The following SNPH variants were observed in gnomAD, a reference collection of about 807,000 sequenced individuals.
SNPH encodes syntaphilin.
SNPH carries 10 observed loss-of-function variants against 36.8 expected under a neutral mutation model. That is an observed-to-expected ratio of 0.27 (90% CI 0.17 to 0.46). The LOEUF is 0.46. SNPH is among the 20% of genes least tolerant of loss of function. SNPH has a pLI of 1.00. For missense variants in SNPH, 622 were observed against 744.0 expected, an observed-to-expected ratio of 0.84 and a Z score of 1.91; for synonymous variants, 281 against 312.2, an observed-to-expected ratio of 0.90 and a Z score of 1.05.
chr20:1,280,051 G>A (rs1416577902), intron 2 of SNPH, among the ~76,000 whole-genome samples: 1 of 152,184 alleles, frequency 6.6e-6, no homozygotes, highest in African/African-American at 2.4e-5. Flanking sequence ...CAGTAAGGAA[G>A]GTTTGTTGAG....
At chr20:1,281,870 G>A (rs924427239) in intron 2 of SNPH, among the ~76,000 whole-genome samples, 9 of 152,254 alleles carry the variant, frequency 5.9e-5, no homozygotes, top group African/African-American at 9.6e-5. Flanking sequence ...ATTAGAAGGG[G>A]GAGTAGCTTT....
chr20:1,276,261 A>G lies in SNPH; in HGVS notation c.-493+9501A>G, dbSNP rs1240187867. 1.3e-5 allele frequency among the ~76,000 whole-genome samples: 2 copies of G among 152,310 alleles called. No homozygotes were observed. Among genetic ancestry groups the G allele is most frequent in the East Asian group, 1.9e-4 (1 of 5,168 alleles). On this transcript the variant is annotated intron_variant, in intron 2 of 6. Transcript: ENST00000381867. The surrounding 1 kb of genome is among the most constrained non-coding windows in gnomAD (Gnocchi z 4.6). ...CACTCTGGGGCCGTGTGTTTGAGAG[A>G]GAAGCCCTCAGAGGTTGTTAGGCCT...
At chr20:1,269,835 A>AT (rs1260407692) in intron 2 of SNPH, among the ~76,000 whole-genome samples, 1 of 152,210 alleles carries the variant, frequency 6.6e-6, no homozygotes, top group Non-Finnish European at 1.5e-5. Context: ...AGGTTCAATA[A>AT]TTTACTGCTC....
Position 1,300,578 on chromosome 20 carries a change from A to T in SNPH, c.307A>T (p.Thr103Ser). The T allele has an allele frequency of 6.2e-7, 1 of 1,613,856 alleles. No individual in the cohort carries two copies. Among genetic ancestry groups the T allele is most frequent in the Non-Finnish European group, 8.5e-7 (1 of 1,179,980 alleles). Residue 103 changes from threonine (T) to serine (S), a missense_variant, in exon 6 of 7, where the codon ACG becomes TCG. Physicochemically the swap from Thr to Ser is moderately conservative, Grantham distance 58. Around this residue, in one of 3 missense-constraint regions of SNPH, gnomAD observed 187 missense variants for 209.4 expected, o/e 0.89. Transcript: ENST00000381867. ...CCCTTGCAGGCGCTCCATGAAATAC[A>T]CGCTGTGCAGTGACAACCATGGCAT... ...SPTPRRSMKY[T>S]LCSDNHGIKP...
intron 5 of SNPH, among the ~76,000 whole-genome samples, chr20:1,298,892 CGT>C (rs2088473144): frequency 1.3e-5 from 2 of 149,432 alleles, no homozygotes; most frequent in African/African-American, 4.9e-5. Flanking sequence ...AAAATGTACA[CGT>C]GTTAAATTTT....
At chr20:1,272,848 T>C (rs2088088626) in intron 2 of SNPH, among the ~76,000 whole-genome samples, 1 of 152,254 alleles carries the variant, frequency 6.6e-6, no homozygotes, top group Non-Finnish European at 1.5e-5. Context: ...CCTTCCCTTT[T>C]GGCAGCACTG....
intron 2 of SNPH, among the ~76,000 whole-genome samples, chr20:1,278,555 T>C (rs2088180152): frequency 6.6e-6 from 1 of 152,238 alleles, no homozygotes; most frequent in Admixed American, 6.5e-5. Flanking sequence ...TTTCTGTCAG[T>C]ACAGATTACT....
At chr20:1,269,906 C>T (rs1431973802) in intron 2 of SNPH, among the ~76,000 whole-genome samples, 1 of 152,180 alleles carries the variant, frequency 6.6e-6, no homozygotes, top group African/African-American at 2.4e-5. Flanking sequence ...GTGAGAAAGC[C>T]AGGGCAGAGA....
intron 4 of SNPH, 181 bp from the exon 5 acceptor site, chr20:1,296,964 T>C (rs1041807113): frequency 8.4e-5 from 68 of 810,312 alleles, no homozygotes; most frequent in Non-Finnish European, 9.4e-5. Context: ...TGGTTTTCCA[T>C]CTTGATTTGC....
At position 1,305,363 on chromosome 20, in the gene SNPH, C is replaced by T. The variant is rs147974294; in HGVS notation, c.926C>T (p.Ser309Leu). ...TDALEASSLL[S>L]SGVDCGTEET... ...GCGCTGGAAGCCAGCAGCCTGCTGT[C>T]GTCGGGGGTGGACTGTGGCACCGAG... Residue 309 changes from serine to leucine, a missense_variant, in exon 7 of 7, where the codon TCG becomes TTG. By Grantham distance (145) the Ser-to-Leu change is moderately radical. Coordinates refer to ENST00000381867, the MANE Select transcript of SNPH (RefSeq NM_001318234.2). 92 of 1,612,226 alleles carry T rather than the reference C, an allele frequency of 5.7e-5. No homozygotes were observed. Among genetic ancestry groups the T allele is most frequent in the Admixed American group, 4.0e-4 (24 of 59,988 alleles).
At chr20:1,282,052 T>C (rs1232556313) in intron 2 of SNPH, among the ~76,000 whole-genome samples, 1 of 152,250 alleles carries the variant, frequency 6.6e-6, no homozygotes, top group Non-Finnish European at 1.5e-5. Flanking sequence ...TGTCTGAGCT[T>C]GAACACTTTG....
chr20:1,285,230 G>C lies in SNPH; in HGVS notation c.-492-9721G>C, dbSNP rs1202941339. ...AAAATCAGAAATTCATATTTTGGATGTGTTAATTTTGAGATACTCTGTTAG... is the reference window on the plus strand; with the variant it reads ...AAAATCAGAAATTCATATTTTGGATCTGTTAATTTTGAGATACTCTGTTAG... On this transcript the variant is annotated intron_variant, in intron 2 of 6. Transcript: ENST00000381867. This position sits in a 1 kb window ranked among gnomAD's most constrained non-coding sequence, Gnocchi z 4.9. Among the ~76,000 whole-genome samples, 1 of 152,226 alleles carries C rather than the reference G, an allele frequency of 6.6e-6. No homozygotes were observed. The highest frequency in any genetic ancestry group is 2.4e-5 in the African/African-American group (1 of 41,460).
chr20:1,305,945 C>A lies in SNPH; in HGVS notation c.1508C>A (p.Ser503Tyr). 6.3e-7 allele frequency: 1 copy of A among 1,581,660 alleles called. No homozygotes were observed. The highest frequency in any genetic ancestry group is 2.3e-5 in the East Asian group (1 of 43,156). ...GGCCAGCCCATCTACAACATCAGCTCCCTGCTGCGGGGCTGCTGCACTGTG... is the reference window on the plus strand; with the variant it reads ...GGCCAGCCCATCTACAACATCAGCTACCTGCTGCGGGGCTGCTGCACTGTG... ...RQGQPIYNIS[S>Y]LLRGCCTVAL... Residue 503 changes from serine to tyrosine, a missense_variant, in exon 7 of 7, where the codon TCC (serine) becomes TAC (tyrosine). Transcript: ENST00000381867.
chr20:1,279,887 C>T (rs1174013482), intron 2 of SNPH, among the ~76,000 whole-genome samples: 1 of 152,174 alleles, frequency 6.6e-6, no homozygotes, highest in Non-Finnish European at 1.5e-5. Flanking sequence ...CATCCTTCAT[C>T]TTGTGAAGAT....
chr20:1,267,401 C>T (rs889379995), intron 2 of SNPH, among the ~76,000 whole-genome samples: 6 of 152,130 alleles, frequency 3.9e-5, no homozygotes, highest in Non-Finnish European at 7.4e-5. Flanking sequence ...AAAGAGAGGC[C>T]GGTCACATGC....
chr20:1,291,304 C>A (rs558604514), intron 2 of SNPH, among the ~76,000 whole-genome samples: 4 of 152,302 alleles, frequency 2.6e-5, no homozygotes, highest in African/African-American at 9.6e-5. Flanking sequence ...GTGGTCCCAG[C>A]TTTGAGGGTG....
Position 1,296,133 on chromosome 20 carries a change from T to C in SNPH, c.-107T>C. ...CTGACAGTTGTGGTTTTAAGTTGGG[T>C]GGTGGGAACCTGTGCACCAGCCCTA... On this transcript the variant is annotated 5_prime_UTR_variant, in exon 4 of 7. Coordinates refer to ENST00000381867, the MANE Select transcript of SNPH (RefSeq NM_001318234.2). 1.1e-6 allele frequency: 1 copy of C among 939,546 alleles called. No individual in the cohort carries two copies. Among genetic ancestry groups the C allele is most frequent in the East Asian group, 3.1e-5 (1 of 32,214 alleles). The allele number at this position is 939,546 out of a possible 1,614,324, so 58.2% of individuals were successfully genotyped here.
At position 1,308,784 on chromosome 20, in the gene SNPH, A is replaced by C. The variant is rs2088616365; in HGVS notation, c.*2730A>C. 1 of 152,272 alleles carries C rather than the reference A, an allele frequency of 6.6e-6. No homozygotes were observed. The highest frequency in any genetic ancestry group is 1.5e-5 in the Non-Finnish European group (1 of 68,074). The allele number at this position is 152,272 out of a possible 1,614,324, so 9.4% of individuals were successfully genotyped here. A position where few individuals can be genotyped will look rare whatever the true frequency, so the allele number is the denominator to read the frequency against. ...CCCCAGCGTCTGGCAAGAGCTGATG[A>C]GGTCCTGAGGAACAGTGTCCCCAGG... On this transcript the variant is annotated 3_prime_UTR_variant, in exon 7 of 7. Coordinates refer to ENST00000381867, the MANE Select transcript of SNPH (RefSeq NM_001318234.2).
In SNPH at chr20:1,306,640, T is replaced by G. The variant is rs1048576604; in HGVS notation, c.*586T>G. The G allele has an allele frequency of 1.3e-5, 2 of 152,622 alleles. No individual in the cohort carries two copies. Among genetic ancestry groups the G allele is most frequent in the African/African-American group, 4.8e-5 (2 of 41,470 alleles). The allele number at this position is 152,622 out of a possible 1,614,324, so 9.5% of individuals were successfully genotyped here. A position where few individuals can be genotyped will look rare whatever the true frequency, so the allele number is the denominator to read the frequency against. On this transcript the variant is annotated 3_prime_UTR_variant, in exon 7 of 7. Coordinates refer to ENST00000381867, the MANE Select transcript of SNPH (RefSeq NM_001318234.2). ...CAGCCTCCCCAGACTGCTGCCCACC[T>G]TGGGACTCAGGAGCTCAGTCAAGGC...
Sources: allele counts gnomAD v4.1 joint callset (sites outside exome capture counted in the v4.1 genomes callset), GRCh38; gene constraint gnomAD v4.1.1; regional missense constraint gnomAD v4.1.1; non-coding constraint Gnocchi (gnomAD v3.1); transcripts MANE v1.5; gene names NCBI Gene and HGNC (gene_info 2026-07-23, HGNC 2026-07-21).